PPFIA2: variants seen among roughly 807,000 people sequenced by gnomAD.
PPFIA2 encodes PPFI scaffold protein A2, also known as liprin-alpha-2.
PPFIA2 carries 46 observed loss-of-function variants against 175.5 expected under a neutral mutation model. That is an observed-to-expected ratio of 0.26 (90% CI 0.21 to 0.34). The LOEUF is 0.34. PPFIA2 is among the 10% of genes least tolerant of loss of function. PPFIA2 has a pLI of 1.00. For missense variants in PPFIA2, 1,179 were observed against 1,506.1 expected (o/e 0.78, Z 3.60); for synonymous variants, 568 against 511.4 (o/e 1.11, Z -1.49).
chr12:81,440,606 G>A (rs895359735), intron 6 of PPFIA2, among the ~76,000 whole-genome samples: 8 of 152,020 alleles, frequency 5.3e-5, no homozygotes, highest in African/African-American at 1.7e-4. Flanking sequence ...AACTACTTAA[G>A]TATCTTGGAA....
intron 15 of PPFIA2, among the ~76,000 whole-genome samples, chr12:81,358,674 A>G (rs765189375): frequency 6.6e-6 from 1 of 152,124 alleles, no homozygotes; most frequent in African/African-American, 2.4e-5. Context: ...AACTTTTCCA[A>G]TCTTAAAATT....
chr12:81,461,879 G>T (rs777677177), intron 4 of PPFIA2, among the ~76,000 whole-genome samples: 3 of 151,724 alleles, frequency 2.0e-5, no homozygotes, highest in Non-Finnish European at 4.4e-5. Flanking sequence ...ATACCTAGTT[G>T]TATTGTTTTT....
At chr12:81,540,139 C>T (rs148254269) in intron 4 of PPFIA2, among the ~76,000 whole-genome samples, 1 of 152,058 alleles carries the variant, frequency 6.6e-6, no homozygotes, top group African/African-American at 2.4e-5. Flanking sequence ...AGATTCTGTA[C>T]TTCTCACCAA....
chr12:81,493,754 CTATATA>C (rs5799531), intron 4 of PPFIA2, among the ~76,000 whole-genome samples: 2,224 of 102,090 alleles, frequency 0.022, 26 homozygotes, highest in Non-Finnish European at 0.03. Flanking sequence ...GTGTGTGTGT[CTATATA>C]TATATATATA....
At chr12:81,512,502 G>T in intron 4 of PPFIA2, 5 of 326,326 alleles carry the variant, frequency 1.5e-5, no homozygotes, top group South Asian at 7.0e-5. Flanking sequence ...AATAATTTTA[G>T]CTTTTCTCAA....
At chr12:81,320,282 A>C (rs2053374020) in intron 22 of PPFIA2, among the ~76,000 whole-genome samples, 1 of 152,032 alleles carries the variant, frequency 6.6e-6, no homozygotes, top group African/African-American at 2.4e-5. Context: ...AAATTAAGTA[A>C]ATCTATAGAG....
intron 4 of PPFIA2, among the ~76,000 whole-genome samples, chr12:81,556,567 A>G (rs1186073584): frequency 1.3e-5 from 2 of 151,956 alleles, no homozygotes; most frequent in African/African-American, 4.8e-5. Context: ...AGATTAGGTA[A>G]GTTGAAAAGT....
At chr12:81,432,833 G>T (rs2048338098) in intron 7 of PPFIA2, among the ~76,000 whole-genome samples, 1 of 152,072 alleles carries the variant, frequency 6.6e-6, no homozygotes, top group East Asian at 1.9e-4. Context: ...GCAACTGGAA[G>T]ATGCCCAATA....
chr12:81,436,276 G>T (rs1167090250), intron 7 of PPFIA2, among the ~76,000 whole-genome samples: 1 of 71,178 alleles, frequency 1.4e-5, no homozygotes, highest in African/African-American at 5.4e-5. Context: ...GTGAGACCCT[G>T]TCTAAAAAAA....
intron 3 of PPFIA2, among the ~76,000 whole-genome samples, chr12:81,728,081 C>G (rs1406416647): frequency 6.6e-6 from 1 of 151,388 alleles, no homozygotes; most frequent in Non-Finnish European, 1.5e-5. Context: ...TAAATGAATA[C>G]TATTCAACTC....
chr12:81,563,247 T>A (rs2070570780), intron 4 of PPFIA2, among the ~76,000 whole-genome samples: 1 of 152,206 alleles, frequency 6.6e-6, no homozygotes, highest in Non-Finnish European at 1.5e-5. Flanking sequence ...CCCTTTCTTC[T>A]GGCATCTCCA....
intron 4 of PPFIA2, among the ~76,000 whole-genome samples, chr12:81,619,204 T>C (rs1406225523): frequency 6.6e-6 from 1 of 152,186 alleles, no homozygotes; most frequent in South Asian, 2.1e-4. Flanking sequence ...GTTGGGAACA[T>C]GTGAATTGGC....
In PPFIA2 at chr12:81,617,975, A is replaced by G. The variant is rs140949437; in HGVS notation, c.303+58816T>C. Among the ~76,000 whole-genome samples, 763 of 152,326 alleles carry G rather than the reference A, an allele frequency of 5.0e-3. 3 individuals are homozygous for G. Among genetic ancestry groups the G allele is most frequent in the African/African-American group, 0.014 (584 of 41,564 alleles). On this transcript the variant is annotated intron_variant, in intron 4 of 32. Coordinates refer to ENST00000549396, the MANE Select transcript of PPFIA2 (RefSeq NM_003625.5). Reference sequence around the variant, plus strand: ...TGTGGAGGGACAAGAACTAGAGCAAAGGATAAAGGGATTCGTGAGTTGTGA... The same window carrying G: ...TGTGGAGGGACAAGAACTAGAGCAAGGGATAAAGGGATTCGTGAGTTGTGA...
At chr12:81,570,944 C>A (rs1179482913) in intron 4 of PPFIA2, among the ~76,000 whole-genome samples, 1 of 151,798 alleles carries the variant, frequency 6.6e-6, no homozygotes, top group Non-Finnish European at 1.5e-5. Flanking sequence ...TCTAGATTCA[C>A]AAGGTATTTT....
chr12:81,364,662 G>A (rs1040095938), intron 14 of PPFIA2, among the ~76,000 whole-genome samples: 2 of 151,964 alleles, frequency 1.3e-5, no homozygotes, highest in East Asian at 3.9e-4. Flanking sequence ...AGATTGTCAA[G>A]TTGAATTGGG....
chr12:81,545,197 A>C (rs1212739725), intron 4 of PPFIA2: 1 of 152,174 alleles, frequency 6.6e-6, no homozygotes, highest in South Asian at 2.1e-4. Flanking sequence ...TTATATATTA[A>C]CTCTCAAAGA....
chr12:81,576,088 C>A (rs2073485644), intron 4 of PPFIA2, among the ~76,000 whole-genome samples: 1 of 151,516 alleles, frequency 6.6e-6, no homozygotes, highest in East Asian at 2.0e-4. Context: ...CGTGACCACA[C>A]CAGCTTCCCT....
intron 3 of PPFIA2, among the ~76,000 whole-genome samples, chr12:81,732,317 T>G (rs2153641344): frequency 6.6e-6 from 1 of 151,678 alleles, no homozygotes; most frequent in South Asian, 2.1e-4. Flanking sequence ...AGACTGGATT[T>G]TGCAGTAAAA....
chr12:81,442,288 T>C (rs920506924), intron 6 of PPFIA2, among the ~76,000 whole-genome samples: 8 of 152,044 alleles, frequency 5.3e-5, no homozygotes, highest in African/African-American at 1.9e-4. Context: ...ATGTTATAAA[T>C]TGAAAAATTG....
Sources: gnomAD v4.1 joint callset for allele counts (sites outside exome capture counted in the v4.1 genomes callset) on GRCh38, gnomAD v4.1.1 for gene constraint, MANE v1.5 for transcripts, NCBI Gene and HGNC (gene_info 2026-07-23, HGNC 2026-07-21) for gene names.